DMD: variants seen among roughly 807,000 people sequenced by gnomAD.
DMD encodes the protein dystrophin.
DMD carries 63 observed loss-of-function variants against 330.1 expected under a neutral mutation model. The ratio of observed to expected loss-of-function variants is 0.19; its 90% CI spans 0.16 to 0.24. The LOEUF (loss-of-function observed/expected upper bound fraction) is 0.24, where lower values mean the gene tolerates loss of function less well. DMD is among the 10% of genes least tolerant of loss of function. The pLI is 1.00. For missense variants in DMD, 3,344 were observed against 2,684.1 expected, an observed-to-expected ratio of 1.25 and a Z score of -5.43; for synonymous variants, 1,223 against 959.8, an observed-to-expected ratio of 1.27 and a Z score of -5.07.
chrX:31,191,619 C>T (rs2042372586), intron 67 of DMD, among the ~76,000 whole-genome samples: 1 of 111,539 alleles, frequency 9.0e-6, no homozygotes, highest in African/African-American at 3.3e-5. Context: ...TGCTGCCATC[C>T]AGGTAAGTTG....
intron 44 of DMD, among the ~76,000 whole-genome samples, chrX:32,024,207 G>A (rs1293874): frequency 0.036 from 3,986 of 111,900 alleles, 69 homozygotes; most frequent in Non-Finnish European, 0.056. Flanking sequence ...TGTATGGGCC[G>A]GGTGTAGTGG....
intron 7 of DMD, among the ~76,000 whole-genome samples, chrX:32,797,570 A>G (rs2076266158): frequency 8.9e-6 from 1 of 112,346 alleles, no homozygotes; most frequent in Admixed American, 9.5e-5. Flanking sequence ...GTATTCCTTC[A>G]TAGCTGAAAT....
chrX:31,358,957 C>A (rs764483906), intron 60 of DMD, among the ~76,000 whole-genome samples: 1 of 111,943 alleles, frequency 8.9e-6, no homozygotes, highest in East Asian at 2.8e-4. Context: ...TAGTAAATAA[C>A]CCTAGGAAGA....
At chrX:31,125,395 T>TTGA (rs1189048416) in intron 78 of DMD, among the ~76,000 whole-genome samples, 1 of 111,877 alleles carries the variant, frequency 8.9e-6, no homozygotes, top group Admixed American at 9.5e-5. Flanking sequence ...AATCATTAAA[T>TTGA]TGATTAGACT....
chrX:33,217,901 C>A (rs1214747639), intron 1 of DMD, among the ~76,000 whole-genome samples: 1 of 111,089 alleles, frequency 9.0e-6, no homozygotes, highest in Non-Finnish European at 1.9e-5. Flanking sequence ...ATAACTTTTC[C>A]TTCCTGATTT....
chrX:31,351,159 TACACAC>T (rs3061695), intron 60 of DMD, among the ~76,000 whole-genome samples: 4 of 105,135 alleles, frequency 3.8e-5, no homozygotes, highest in South Asian at 8.6e-4. Flanking sequence ...CATACATATA[TACACAC>T]ACACACACAC....
intron 16 of DMD, among the ~76,000 whole-genome samples, chrX:32,558,413 T>C (rs1345082468): frequency 8.9e-6 from 1 of 112,107 alleles, no homozygotes; most frequent in African/African-American, 3.2e-5. Flanking sequence ...GTATTTGTCT[T>C]TATGTGTTAT....
chrX:32,759,623 G>A, intron 7 of DMD, among the ~76,000 whole-genome samples: 1 of 111,126 alleles, frequency 9.0e-6, no homozygotes, highest in East Asian at 2.8e-4. Flanking sequence ...TAAGCTAAAT[G>A]GATTCATCAT....
intron 63 of DMD, among the ~76,000 whole-genome samples, chrX:31,255,769 C>CTTTTTTTTT: frequency 2.0e-5 from 1 of 50,832 alleles, no homozygotes; most frequent in Non-Finnish European, 3.3e-5. Flanking sequence ...AATATCGTTA[C>CTTTTTTTTT]TTTTTTTTTT....
intron 34 of DMD, among the ~76,000 whole-genome samples, chrX:32,379,423 T>G (rs1457031959): frequency 2.7e-5 from 3 of 111,122 alleles, no homozygotes; most frequent in Non-Finnish European, 5.7e-5. Flanking sequence ...GTAATATGTT[T>G]GAATGATAAG....
intron 2 of DMD, among the ~76,000 whole-genome samples, chrX:32,914,353 C>T (rs762802372): frequency 5.4e-5 from 6 of 111,929 alleles, no homozygotes; most frequent in Non-Finnish European, 1.1e-4. Flanking sequence ...CGGTACAGAC[C>T]AGAGCTTGAG....
At chrX:33,094,440 A>G (rs188881129) in intron 1 of DMD, among the ~76,000 whole-genome samples, 66 of 112,175 alleles carry the variant, frequency 5.9e-4, no homozygotes, top group African/African-American at 2.1e-3. Context: ...AGCAAGGAGT[A>G]GATACAGGGA....
At chrX:32,958,323 G>C (rs1199877104) in intron 2 of DMD, among the ~76,000 whole-genome samples, 1 of 111,704 alleles carries the variant, frequency 9.0e-6, no homozygotes, top group Non-Finnish European at 1.9e-5. Flanking sequence ...TCAATAAACA[G>C]TGCTTATCAA....
chrX:33,301,919 G>A, intron 1 of DMD, among the ~76,000 whole-genome samples: 1 of 111,340 alleles, frequency 9.0e-6, no homozygotes, highest in East Asian at 2.8e-4. Flanking sequence ...CAGTTTGTAA[G>A]ATAAAATACA....
chrX:32,891,263 A>C (rs1434667574), intron 2 of DMD, among the ~76,000 whole-genome samples: 3 of 111,857 alleles, frequency 2.7e-5, no homozygotes, highest in Non-Finnish European at 5.6e-5. Flanking sequence ...GTATCTACAC[A>C]TAATGAAAAA....
chrX:33,022,366 G>T (rs1375297887), intron 1 of DMD, among the ~76,000 whole-genome samples: 2 of 110,597 alleles, frequency 1.8e-5, no homozygotes, highest in Admixed American at 1.9e-4. Flanking sequence ...CGAAAACCTT[G>T]ACATTATGTG....
intron 34 of DMD, among the ~76,000 whole-genome samples, chrX:32,378,461 CTA>C (rs1385974795): frequency 9.1e-6 from 1 of 109,843 alleles, no homozygotes; most frequent in Admixed American, 9.8e-5. Context: ...TACTATTTAA[CTA>C]TAGTCAATGT....
intron 60 of DMD, among the ~76,000 whole-genome samples, chrX:31,371,118 A>G (rs914215899): frequency 9.0e-6 from 1 of 111,524 alleles, no homozygotes; most frequent in Non-Finnish European, 1.9e-5. Flanking sequence ...ATTGACGTCA[A>G]AATCCTGGTT....
chrX:31,346,925 C>G (rs374615311), intron 61 of DMD, among the ~76,000 whole-genome samples: 1 of 94,755 alleles, frequency 1.1e-5, no homozygotes, highest in African/African-American at 3.9e-5. Context: ...AGTTTGAACC[C>G]GGGAGGCGGA....
Sources: allele counts gnomAD v4.1 joint callset (sites outside exome capture counted in the v4.1 genomes callset), GRCh38; gene constraint gnomAD v4.1.1; transcripts MANE v1.5; gene names NCBI Gene and HGNC (gene_info 2026-07-23, HGNC 2026-07-21).